Variants in LY96 observed in about 807,000 individuals in gnomAD.
The protein encoded by LY96 is lymphocyte antigen 96, also known as myeloid differentiation protein-2.
LY96 carries 18 observed loss-of-function variants against 18.9 expected under a neutral mutation model. The ratio of observed to expected loss-of-function variants is 0.95; its 90% CI spans 0.66 to 1.41. The LOEUF (loss-of-function observed/expected upper bound fraction) is 1.41, where lower values mean the gene tolerates loss of function less well. Ranked by LOEUF, LY96 falls within the 40% of genes most tolerant of loss-of-function variation. The pLI, the probability that LY96 is intolerant of heterozygous loss-of-function variation, is 0.00. For synonymous variants in LY96, 66 were observed against 62.6 expected (o/e 1.06, Z -0.26); for missense variants, 175 against 182.4 (o/e 0.96, Z 0.23).
the LY96 span, among the ~76,000 whole-genome samples, chr8:74,092,749 T>C: frequency 6.6e-6 from 1 of 152,200 alleles, no homozygotes; most frequent in Non-Finnish European, 1.5e-5. Flanking sequence ...ACTGAGATCA[T>C]TGAATTCATC....
the LY96 span, among the ~76,000 whole-genome samples, chr8:74,045,286 T>G: frequency 6.6e-6 from 1 of 151,984 alleles, no homozygotes; most frequent in Non-Finnish European, 1.5e-5. Flanking sequence ...TAACATGACA[T>G]AAATATAAAA....
At position 73,991,537 on chromosome 8, in the gene LY96, T is replaced by C. The variant is rs1367897975; in HGVS notation, c.95T>C (p.Ile32Thr). The change falls in exon 1 of 5, where the codon ATT becomes ACT. Residue 32 changes from isoleucine to threonine, a missense_variant. Physicochemically the swap from Ile to Thr is moderately conservative, Grantham distance 89 (BLOSUM62 -1). Coordinates refer to ENST00000284818, the MANE Select transcript of LY96 (RefSeq NM_015364.5). ...YWVCNSSDAS[I>T]SYTYCDKMQY... The stretch of plus-strand genomic sequence containing the variant: ...GTCTGCAACTCATCCGATGCAAGTA[T>C]TTCATACACCTACTGTGGTAAGTAA... The C allele has an allele frequency of 1.9e-6, 3 of 1,600,318 alleles. No homozygotes were observed. The African/African-American group carries it at 4.0e-5, about 21-fold the overall frequency.
At chr8:74,054,215 TG>T in the LY96 span, among the ~76,000 whole-genome samples, 1 of 152,088 alleles carries the variant, frequency 6.6e-6, no homozygotes, top group African/African-American at 2.4e-5. Context: ...TTTGTAGAAA[TG>T]GGGTCTCACC....
chr8:74,045,912 A>C, the LY96 span, among the ~76,000 whole-genome samples: 2 of 152,146 alleles, frequency 1.3e-5, no homozygotes, highest in Non-Finnish European at 2.9e-5. Flanking sequence ...GACCTAGTCT[A>C]TAGTGGTCAG....
chr8:74,002,107 C>T lies in LY96; in HGVS notation c.113-2689C>T, dbSNP rs910268541. On this transcript the variant is annotated intron_variant, in intron 1 of 4. Transcript: ENST00000284818. Reference sequence around the variant, plus strand: ...TCTTTCTTTCTTTCTCTCTCTCTCTCTCTCTCTCTCTCTCTCTCTCTCTCT... The same window carrying T: ...TCTTTCTTTCTTTCTCTCTCTCTCTTTCTCTCTCTCTCTCTCTCTCTCTCT... 6.2e-4 allele frequency among the ~76,000 whole-genome samples: 73 copies of T among 117,972 alleles called. 10 individuals are homozygous for T. Among genetic ancestry groups the T allele is most frequent in the African/African-American group, 2.0e-3 (57 of 29,186 alleles). 77.4% of individuals were successfully genotyped at this position (117,972 alleles called of 152,430 possible). A position where few individuals can be genotyped will look rare whatever the true frequency, so the allele number is the denominator to read the frequency against.
chr8:74,018,955 C>A (rs1274925094), intron 3 of LY96, among the ~76,000 whole-genome samples: 5 of 152,050 alleles, frequency 3.3e-5, no homozygotes, highest in Non-Finnish European at 7.4e-5. Flanking sequence ...GCACTAAATG[C>A]CCACAAGAGA....
chr8:74,013,699 AG>A (rs1373716327), intron 3 of LY96, among the ~76,000 whole-genome samples: 2 of 152,174 alleles, frequency 1.3e-5, no homozygotes, highest in Non-Finnish European at 2.9e-5. Flanking sequence ...TCAGAGGGTG[AG>A]GGGGAAAAAC....
At chr8:73,998,570 C>A (rs1438458495) in intron 1 of LY96, among the ~76,000 whole-genome samples, 1 of 151,934 alleles carries the variant, frequency 6.6e-6, no homozygotes, top group Non-Finnish European at 1.5e-5. Context: ...GTAGTACTAG[C>A]GACTCAGGAG....
At chr8:74,006,244 G>C (rs1317671910) in intron 2 of LY96, among the ~76,000 whole-genome samples, 3 of 152,076 alleles carry the variant, frequency 2.0e-5, no homozygotes, top group Non-Finnish European at 4.4e-5. Flanking sequence ...GCCCAGGCTG[G>C]AGTACAGTGG....
At position 73,996,758 on chromosome 8, in the gene LY96, T is replaced by A. The variant is rs142448050; in HGVS notation, c.112+5204T>A. On this transcript the variant is annotated intron_variant, in intron 1 of 4. Coordinates refer to ENST00000284818, the MANE Select transcript of LY96 (RefSeq NM_015364.5). ...TATTTTTTGGGGGATGGGATTTATT[T>A]TTTTGAGATGGGGTCTTGCTCTGTT... 5.2e-3 allele frequency among the ~76,000 whole-genome samples: 797 copies of A among 151,924 alleles called. 5 individuals are homozygous for A. Among genetic ancestry groups the A allele is most frequent in the African/African-American group, 0.018 (758 of 41,444 alleles).
In LY96 at chr8:74,025,654, CAAAAA is replaced by C. The variant is rs574843103; in HGVS notation, c.332-1118_332-1114del. ...TGGGCGACAGAGCGAAACTCCGTCTCAAAAAAAAAAAAAAAAAAAAAGATACACCC... is the reference window on the plus strand; with the variant it reads ...TGGGCGACAGAGCGAAACTCCGTCTCAAAAAAAAAAAAAAAAGATACACCC... On this transcript the variant is annotated intron_variant, in intron 3 of 4. Coordinates refer to ENST00000284818, the MANE Select transcript of LY96 (RefSeq NM_015364.5). Among the ~76,000 whole-genome samples, 426 of 68,814 alleles carry C rather than the reference CAAAAA, an allele frequency of 6.2e-3. 4 individuals carry two copies. Among genetic ancestry groups the C allele is most frequent in the African/African-American group, 0.019 (406 of 21,120 alleles). The allele number at this position is 68,814 out of a possible 152,430, so 45.1% of individuals were successfully genotyped here.
rs1373706072 is a variant in LY96 at position 74,001,471 on chromosome 8, G to A, written c.113-3325G>A. On this transcript the variant is annotated intron_variant, in intron 1 of 4. Coordinates refer to ENST00000284818, the MANE Select transcript of LY96 (RefSeq NM_015364.5). The stretch of plus-strand genomic sequence containing the variant: ...CTTGAACTCCTGACCTCAAACCATC[G>A]GTCCACCTTGGCCTCCCCAAAGTGC... Among the ~76,000 whole-genome samples the A allele has an allele frequency of 3.3e-5, 5 of 151,898 alleles. No individual in the cohort carries two copies. In the East Asian group the frequency reaches 5.8e-4, roughly 18 times the overall value.
chr8:73,994,714 T>A (rs957771356), intron 1 of LY96, among the ~76,000 whole-genome samples: 1 of 152,194 alleles, frequency 6.6e-6, no homozygotes, highest in Non-Finnish European at 1.5e-5. Context: ...TTTGAACTCC[T>A]GGTCTCAAGC....
At chr8:74,053,283 T>A in the LY96 span, among the ~76,000 whole-genome samples, 1 of 152,232 alleles carries the variant, frequency 6.6e-6, no homozygotes, top group African/African-American at 2.4e-5. Context: ...ACTCTCAATG[T>A]CTTTTAGATT....
intron 1 of LY96, among the ~76,000 whole-genome samples, chr8:74,003,307 A>G (rs774970792): frequency 3.9e-5 from 6 of 152,186 alleles, no homozygotes; most frequent in Non-Finnish European, 8.8e-5. Flanking sequence ...CAAGGACAGC[A>G]CTTGACTTTT....
downstream of LY96, among the ~76,000 whole-genome samples, chr8:74,032,043 T>C (rs527801041): frequency 6.6e-6 from 1 of 152,112 alleles, no homozygotes; most frequent in Non-Finnish European, 1.5e-5. Context: ...GAGAATCTCT[T>C]GCACCCAGGA....
chr8:74,090,942 T>C, the LY96 span, among the ~76,000 whole-genome samples: 3 of 152,258 alleles, frequency 2.0e-5, no homozygotes, highest in Admixed American at 2.0e-4. Context: ...ATGCCCTCAA[T>C]GCCTGATGAC....
At chr8:74,098,641 AT>A in the LY96 span, among the ~76,000 whole-genome samples, 1 of 152,212 alleles carries the variant, frequency 6.6e-6, no homozygotes, top group Non-Finnish European at 1.5e-5. Flanking sequence ...AAGTGCTGGG[AT>A]TACAAGTGTG....
chr8:74,023,748 A>G (rs1816814833), intron 3 of LY96, among the ~76,000 whole-genome samples: 1 of 152,194 alleles, frequency 6.6e-6, no homozygotes, highest in African/African-American at 2.4e-5. Context: ...GAGCAGGGAA[A>G]GACAAATTAT....
Sources: gnomAD v4.1 joint callset for allele counts (sites outside exome capture counted in the v4.1 genomes callset) on GRCh38, gnomAD v4.1.1 for gene constraint, MANE v1.5 for transcripts, NCBI Gene and HGNC (gene_info 2026-07-23, HGNC 2026-07-21) for gene names.